CLN6: variants seen among roughly 807,000 people sequenced by gnomAD.
The protein encoded by CLN6 is ceroid-lipofuscinosis neuronal protein 6.
Under a neutral mutation model 33.3 loss-of-function variants are expected in CLN6, and 22 were observed. The ratio of observed to expected loss-of-function variants is 0.66; its 90% CI spans 0.47 to 0.94. The LOEUF (loss-of-function observed/expected upper bound fraction) is 0.94. Ranked by LOEUF, CLN6 falls within the 40% of genes least tolerant of loss-of-function variation. CLN6 has a pLI of 0.00. For synonymous variants in CLN6, 201 were observed against 174.6 expected (o/e 1.15, Z -1.19); for missense variants, 387 against 417.1 (o/e 0.93, Z 0.63).
rs899005100 is a variant in CLN6, at chr15:68,242,551, A to G, written c.179+14139T>C. 5.3e-5 allele frequency among the ~76,000 whole-genome samples: 8 copies of G among 152,166 alleles called. No homozygotes were observed. Among genetic ancestry groups the G allele is most frequent in the African/African-American group, 1.9e-4 (8 of 41,458 alleles). On this transcript the variant is annotated intron_variant, in intron 1 of 6. Coordinates refer to the CLN6 transcript ENST00000538696. This position sits in a 1 kb window ranked among gnomAD's most constrained non-coding sequence, Gnocchi z 5.0. ...AGGAGACTCCATCTCAAAATAAATA[A>G]ATAAATAAATAAGGAAAAGAAAAAT...
intron 3 of CLN6, 172 bp from the exon 4 acceptor site, chr15:68,212,035 C>T: frequency 1.6e-6 from 1 of 641,804 alleles, no homozygotes; most frequent in South Asian, 1.9e-5. Flanking sequence ...CCTCCCGTGA[C>T]CCCTATGAAC....
At chr15:68,245,919 C>A (rs1240305368) in intron 1 of CLN6, among the ~76,000 whole-genome samples, 1 of 152,032 alleles carries the variant, frequency 6.6e-6, no homozygotes, top group African/African-American at 2.4e-5. Flanking sequence ...ATTAGCTATA[C>A]TTATATTACA....
Position 68,208,025 on chromosome 15 carries a change from C to G in CLN6, c.*115G>C, listed in dbSNP as rs1161456674. The G allele has an allele frequency of 1.8e-6, 2 of 1,124,720 alleles. No homozygotes were observed. The highest frequency in any genetic ancestry group is 3.1e-5 in the African/African-American group (2 of 64,964). The allele number at this position is 1,124,720 out of a possible 1,614,324, so 69.7% of individuals were successfully genotyped here. A position where few individuals can be genotyped will look rare whatever the true frequency, so the allele number is the denominator to read the frequency against. ...GAATCCACGCACACGAGGCACACCCCACTCATGCTCTCGGTCTCTGGTTAC... is the reference window on the plus strand; with the variant it reads ...GAATCCACGCACACGAGGCACACCCGACTCATGCTCTCGGTCTCTGGTTAC... On this transcript the variant is annotated 3_prime_UTR_variant, in exon 7 of 7. Coordinates refer to ENST00000249806, the MANE Select transcript of CLN6 (RefSeq NM_017882.3). This position sits in a 1 kb window ranked among gnomAD's most constrained non-coding sequence, Gnocchi z 5.8.
chr15:68,208,321 C>A lies in CLN6; in HGVS notation c.755G>T (p.Arg252Leu), dbSNP rs374681194. The part of the protein sequence containing the change: ...LALVLHQKRK[R>L]LFLDSNGLFL... Reference sequence around the variant, plus strand: ...GAGGCCGTTGCTGTCCAGGAAGAGGCGCTTGCGCTTCTGGTGCAGGACGAG... The same window carrying A: ...GAGGCCGTTGCTGTCCAGGAAGAGGAGCTTGCGCTTCTGGTGCAGGACGAG... Residue 252 changes from arginine to leucine, a missense_variant, in exon 7 of 7, where the codon CGC (arginine) becomes CTC (leucine). Arg to Leu is a moderately radical substitution (Grantham distance 102). Transcript: ENST00000249806. The surrounding 1 kb of genome is among the most constrained non-coding windows in gnomAD (Gnocchi z 5.8). 1 of 1,614,116 alleles carries A rather than the reference C, an allele frequency of 6.2e-7. No homozygotes were observed.
At chr15:68,229,351 G>A in intron 1 of CLN6, 151 bp downstream of exon 1, 1 of 491,258 alleles carries the variant, frequency 2.0e-6, no homozygotes, top group Non-Finnish European at 3.3e-6. Flanking sequence ...CGCCACGGTA[G>A]CGCGCCTCCA....
In CLN6 at chr15:68,211,390, C is replaced by G. The variant is rs912430944; in HGVS notation, c.487-72G>C. ...TCCAGGGAGGTGCTGGGGCCCCAAG[C>G]ATCCCCTCTGACCACCCTTCTCCCA... On this transcript the variant is annotated intron_variant, in intron 4 of 6. Coordinates refer to ENST00000249806, the MANE Select transcript of CLN6 (RefSeq NM_017882.3). The surrounding 1 kb of genome is among the most constrained non-coding windows in gnomAD (Gnocchi z 5.9). 2 of 1,571,810 alleles carry G rather than the reference C, an allele frequency of 1.3e-6. No individual in the cohort carries two copies. Among genetic ancestry groups the G allele is most frequent in the Admixed American group, 1.7e-5 (1 of 59,902 alleles).
chr15:68,255,723 T>TA (rs2141168721), intron 1 of CLN6, among the ~76,000 whole-genome samples: 1 of 152,312 alleles, frequency 6.6e-6, no homozygotes, highest in African/African-American at 2.4e-5. Context: ...CTTGGGAAAA[T>TA]AAAAGAAACA....
Position 68,242,728 on chromosome 15 carries a change from G to C in CLN6, c.179+13962C>G, listed in dbSNP as rs1892290814. Among the ~76,000 whole-genome samples, 1 of 152,148 alleles carries C rather than the reference G, an allele frequency of 6.6e-6. No homozygotes were observed. Among genetic ancestry groups the C allele is most frequent in the Non-Finnish European group, 1.5e-5 (1 of 68,020 alleles). On this transcript the variant is annotated intron_variant, in intron 1 of 6. Coordinates refer to the CLN6 transcript ENST00000538696. The surrounding 1 kb of genome is among the most constrained non-coding windows in gnomAD (Gnocchi z 5.0). ...GTGTAGACATTTGGTTTAAATTAAG[G>C]TCAGATATCAGACTTGCTAAATGCT...
rs1244044801 is a variant in CLN6 at position 68,211,729 on chromosome 15, G to A, written c.432C>T (p.His144=). ...TGGGGTTCTCACGGACAGACAGGTG[G>A]TGCTGGTAGCCACTGAAGAGCAGGC... ...NHRLLFSGYQ[H]HLSVRENPII... Residue 144 remains histidine (H), a synonymous_variant, in exon 4 of 7, where the codon CAC becomes CAT. Coordinates refer to ENST00000249806, the MANE Select transcript of CLN6 (RefSeq NM_017882.3). This position sits in a 1 kb window ranked among gnomAD's most constrained non-coding sequence, Gnocchi z 5.9. The A allele has an allele frequency of 6.2e-7, 1 of 1,613,982 alleles. No individual in the cohort carries two copies. Among genetic ancestry groups the A allele is most frequent in the Non-Finnish European group, 8.5e-7 (1 of 1,180,028 alleles).
chr15:68,251,424 C>T (rs938648739), intron 1 of CLN6, among the ~76,000 whole-genome samples: 2 of 152,096 alleles, frequency 1.3e-5, no homozygotes, highest in Non-Finnish European at 2.9e-5. Context: ...CCTGTAATCC[C>T]AGCACTTTGG....
At position 68,220,511 on chromosome 15, in the gene CLN6, C is replaced by T. The variant is rs1320152778; in HGVS notation, c.84-1861G>A. ...TTCCAACTGCAGGTGAGGAAAAGAGCTCCTTCCTTTATAGTGCTGGGTTCT... is the reference window on the plus strand; with the variant it reads ...TTCCAACTGCAGGTGAGGAAAAGAGTTCCTTCCTTTATAGTGCTGGGTTCT... On this transcript the variant is annotated intron_variant, in intron 1 of 6. Coordinates refer to ENST00000249806, the MANE Select transcript of CLN6 (RefSeq NM_017882.3). This position sits in a 1 kb window ranked among gnomAD's most constrained non-coding sequence, Gnocchi z 4.2. Among the ~76,000 whole-genome samples the T allele has an allele frequency of 6.6e-6, 1 of 152,226 alleles. No homozygotes were observed. Among genetic ancestry groups the T allele is most frequent in the African/African-American group, 2.4e-5 (1 of 41,460 alleles).
In CLN6 at chr15:68,246,192, T is replaced by C. The variant is rs1022691691; in HGVS notation, c.179+10498A>G. Among the ~76,000 whole-genome samples the C allele has an allele frequency of 3.3e-5, 5 of 152,106 alleles. No individual in the cohort carries two copies. The highest frequency in any genetic ancestry group is 2.9e-5 in the Non-Finnish European group (2 of 68,044). On this transcript the variant is annotated intron_variant, in intron 1 of 6. Transcript: ENST00000538696. This position sits in a 1 kb window ranked among gnomAD's most constrained non-coding sequence, Gnocchi z 4.5. ...GAAAATCAACAAAGAAGCATCAGAA[T>C]TGAACTACACACTAGACCAAATAGG...
At chr15:68,223,310 G>C (rs2093243061) in intron 1 of CLN6, among the ~76,000 whole-genome samples, 1 of 152,118 alleles carries the variant, frequency 6.6e-6, no homozygotes, top group Non-Finnish European at 1.5e-5. Context: ...CTGGCTTACT[G>C]GAGCCAGAGA....
At chr15:68,221,264 C>A (rs997371884) in intron 1 of CLN6, among the ~76,000 whole-genome samples, 1 of 148,788 alleles carries the variant, frequency 6.7e-6, no homozygotes. Flanking sequence ...TTCCTTCTCC[C>A]TCTGTTGCTG....
chr15:68,207,882 T>G lies in CLN6; in HGVS notation c.*258A>C. ...CCCGGATCCTGGCCCAGAAACACTC[T>G]AAAACAGAATCCGATCCTGAGATGA... On this transcript the variant is annotated 3_prime_UTR_variant, in exon 7 of 7. Coordinates refer to ENST00000249806, the MANE Select transcript of CLN6 (RefSeq NM_017882.3). 1 of 542,508 alleles carries G rather than the reference T, an allele frequency of 1.8e-6. No individual in the cohort carries two copies. 33.6% of individuals were successfully genotyped at this position (542,508 alleles called of 1,614,324 possible). A position where few individuals can be genotyped will look rare whatever the true frequency, so the allele number is the denominator to read the frequency against.
intron 1 of CLN6, chr15:68,255,018 T>C (rs1463267837): frequency 2.9e-6 from 2 of 699,230 alleles, no homozygotes; most frequent in East Asian, 5.1e-5. Flanking sequence ...TTTTAAGCTA[T>C]GTTGTTAGCA....
intron 1 of CLN6, among the ~76,000 whole-genome samples, chr15:68,253,089 TC>T (rs1354414045): frequency 1.3e-5 from 2 of 152,236 alleles, no homozygotes; most frequent in African/African-American, 4.8e-5. Context: ...AGCTGTAGTT[TC>T]CCTCTTTCGC....
chr15:68,225,754 C>T (rs1037117522), intron 1 of CLN6, among the ~76,000 whole-genome samples: 1 of 152,016 alleles, frequency 6.6e-6, no homozygotes, highest in East Asian at 1.9e-4. Context: ...AGGTGGATCA[C>T]CTGAGGTCAG....
Position 68,229,692 on chromosome 15 carries a change from C to G in CLN6, c.-108G>C, listed in dbSNP as rs865972073. ...ATTCCCAGCGCGGGGCGGTTCGGGGCGGGCCGGCGAGAGCGCGCGGCCCTC... is the reference window on the plus strand; with the variant it reads ...ATTCCCAGCGCGGGGCGGTTCGGGGGGGGCCGGCGAGAGCGCGCGGCCCTC... On this transcript the variant is annotated 5_prime_UTR_variant, in exon 1 of 7. Coordinates refer to ENST00000249806, the MANE Select transcript of CLN6 (RefSeq NM_017882.3). 87 of 907,852 alleles carry G rather than the reference C, an allele frequency of 9.6e-5. 1 individual carries two copies. In the Middle Eastern group the frequency reaches 2.3e-3, roughly 24 times the overall value. The allele number at this position is 907,852 out of a possible 1,614,324, so 56.2% of individuals were successfully genotyped here.
Sources: allele counts gnomAD v4.1 joint callset (sites outside exome capture counted in the v4.1 genomes callset), GRCh38; gene constraint gnomAD v4.1.1; non-coding constraint Gnocchi (gnomAD v3.1); transcripts MANE v1.5; gene names NCBI Gene and HGNC (gene_info 2026-07-23, HGNC 2026-07-21).